SHQ1: variants seen among roughly 807,000 people sequenced by gnomAD.
SHQ1 encodes SHQ1, H/ACA ribonucleoprotein assembly factor.
In SHQ1, 49 loss-of-function variants were observed where a neutral mutation model predicts 53.8. The observed-to-expected ratio is 0.91, with a 90% CI of 0.72 to 1.16. The LOEUF (loss-of-function observed/expected upper bound fraction) is 1.16. Ranked by LOEUF, SHQ1 falls within the 50% of genes most tolerant of loss-of-function variation. The pLI is 0.00. For missense variants in SHQ1, 738 were observed against 683.1 expected (o/e 1.08, Z -0.90); for synonymous variants, 243 against 251.0 (o/e 0.97, Z 0.30).
intron 9 of SHQ1, among the ~76,000 whole-genome samples, chr3:72,795,762 C>T (rs921024753): frequency 6.6e-6 from 1 of 152,170 alleles, no homozygotes. Flanking sequence ...CTCCAGAATA[C>T]TCTCTCTCAA....
intron 10 of SHQ1, among the ~76,000 whole-genome samples, chr3:72,770,761 T>G (rs1015410546): frequency 6.6e-6 from 1 of 152,200 alleles, no homozygotes; most frequent in African/African-American, 2.4e-5. Flanking sequence ...CAAATGTGTC[T>G]TCCTTAACTT....
intron 10 of SHQ1, among the ~76,000 whole-genome samples, chr3:72,784,033 A>G (rs1706149206): frequency 6.6e-6 from 1 of 152,128 alleles, no homozygotes; most frequent in South Asian, 2.1e-4. Context: ...TCATTCCAAT[A>G]TAAGAGGTTA....
intron 6 of SHQ1, among the ~76,000 whole-genome samples, chr3:72,821,178 C>CCA (rs1707465922): frequency 6.6e-6 from 1 of 152,226 alleles, no homozygotes; most frequent in Non-Finnish European, 1.5e-5. Context: ...AGTGCTACAA[C>CCA]TTTCAAAGTT....
intron 4 of SHQ1, among the ~76,000 whole-genome samples, chr3:72,832,802 C>T (rs1707863375): frequency 6.6e-6 from 1 of 152,178 alleles, no homozygotes; most frequent in Non-Finnish European, 1.5e-5. Flanking sequence ...TTTAACTCAA[C>T]ATCCATTTCC....
intron 10 of SHQ1, among the ~76,000 whole-genome samples, chr3:72,781,169 C>T (rs950476515): frequency 1.3e-5 from 2 of 151,274 alleles, no homozygotes; most frequent in Non-Finnish European, 2.9e-5. Flanking sequence ...CAGCGATTCT[C>T]GTGCCTCAGC....
chr3:72,821,245 T>C (rs1026033409), intron 6 of SHQ1, among the ~76,000 whole-genome samples: 1 of 152,132 alleles, frequency 6.6e-6, no homozygotes, highest in African/African-American at 2.4e-5. Context: ...AAACAGGATG[T>C]CCCTGCTAGG....
At chr3:72,807,507 T>C (rs1166008130) in intron 9 of SHQ1, among the ~76,000 whole-genome samples, 1 of 152,252 alleles carries the variant, frequency 6.6e-6, no homozygotes, top group Non-Finnish European at 1.5e-5. Context: ...TAAATATAGA[T>C]AAATGTCAAC....
chr3:72,739,414 A>G, the SHQ1 span, among the ~76,000 whole-genome samples: 3 of 152,178 alleles, frequency 2.0e-5, no homozygotes, highest in Non-Finnish European at 4.4e-5. Flanking sequence ...GGTGACCTTG[A>G]GAGACTCAGG....
At chr3:72,794,684 T>C (rs1002962710) in intron 9 of SHQ1, 2 of 152,244 alleles carry the variant, frequency 1.3e-5, no homozygotes, top group African/African-American at 4.8e-5. Context: ...TCATGGAGTC[T>C]CTTCCCTGCA....
chr3:72,790,315 C>T (rs1005581686), intron 10 of SHQ1, among the ~76,000 whole-genome samples: 6 of 152,164 alleles, frequency 3.9e-5, no homozygotes, highest in African/African-American at 1.4e-4. Context: ...TTGCTACCTA[C>T]GTTTCAATAG....
At chr3:72,734,916 C>T in the SHQ1 span, among the ~76,000 whole-genome samples, 33 of 151,498 alleles carry the variant, frequency 2.2e-4, 1 homozygote, top group African/African-American at 7.3e-4. Flanking sequence ...ACATTTGTGC[C>T]GGCCATGATC....
chr3:72,812,610 T>C, intron 9 of SHQ1, 61 bp downstream of exon 9: 2 of 1,593,398 alleles, frequency 1.3e-6, no homozygotes, highest in Non-Finnish European at 8.6e-7. Context: ...TATTATATCT[T>C]CACAGACTAA....
chr3:72,843,658 G>A (rs1708244838), intron 2 of SHQ1, among the ~76,000 whole-genome samples: 1 of 152,028 alleles, frequency 6.6e-6, no homozygotes, highest in Non-Finnish European at 1.5e-5. Context: ...ACTAAAAGCT[G>A]GTTTACTACC....
chr3:72,768,053 A>G (rs1705769165), intron 10 of SHQ1, among the ~76,000 whole-genome samples: 1 of 151,798 alleles, frequency 6.6e-6, no homozygotes, highest in Non-Finnish European at 1.5e-5. Context: ...GCAGTTTACA[A>G]AAAAGCAGGG....
intron 10 of SHQ1, chr3:72,753,381 G>T (rs763038335): frequency 1.3e-5 from 13 of 985,444 alleles, no homozygotes; most frequent in Non-Finnish European, 1.6e-5. Context: ...ACCGAACAAA[G>T]ATGGTATTTT....
At chr3:72,745,670 G>A (rs1705246488), downstream of SHQ1, among the ~76,000 whole-genome samples, 1 of 152,004 alleles carries the variant, frequency 6.6e-6, no homozygotes, top group African/African-American at 2.4e-5. Context: ...GTTCAGCTCT[G>A]GGAAGTCAGA....
downstream of SHQ1, among the ~76,000 whole-genome samples, chr3:72,748,971 GCACACACACACACACACACACA>G (rs34002344): frequency 1.0e-4 from 15 of 144,170 alleles, no homozygotes; most frequent in African/African-American, 1.7e-4. Flanking sequence ...ACACGCACAC[GCACACACACACACACACACACA>G]CACACAGGCA....
At chr3:72,747,073 C>T (rs1027723252), downstream of SHQ1, among the ~76,000 whole-genome samples, 2 of 152,144 alleles carry the variant, frequency 1.3e-5, no homozygotes, top group Non-Finnish European at 2.9e-5. Flanking sequence ...ACATTCACAA[C>T]CTTCACAAAC....
At chr3:72,789,256 AT>A (rs1706360739) in intron 10 of SHQ1, among the ~76,000 whole-genome samples, 1 of 152,190 alleles carries the variant, frequency 6.6e-6, no homozygotes. Context: ...ACAGTTCATT[AT>A]TTTCTATCCC....
Sources: allele counts gnomAD v4.1 joint callset (sites outside exome capture counted in the v4.1 genomes callset), GRCh38; gene constraint gnomAD v4.1.1; transcripts MANE v1.5; gene names NCBI Gene and HGNC (gene_info 2026-07-23, HGNC 2026-07-21).